OTOGL: variants seen among roughly 807,000 people sequenced by gnomAD.
OTOGL encodes the protein otogelin like, also known as otogelin-like protein.
OTOGL carries 285 observed loss-of-function variants against 318.5 expected under a neutral mutation model. The ratio of observed to expected loss-of-function variants is 0.89; its 90% confidence interval spans 0.81 to 0.99. The LOEUF is 0.99. OTOGL is among the 50% of genes least tolerant of loss of function. OTOGL has a pLI of 0.00. For missense variants in OTOGL, 2,899 were observed against 2,845.6 expected (o/e 1.02, Z -0.43); for synonymous variants, 987 against 936.5 (o/e 1.05, Z -0.99).
At chr12:80,162,957 A>T (rs1873614372) in intron 1 of OTOGL, among the ~76,000 whole-genome samples, 1 of 152,034 alleles carries the variant, frequency 6.6e-6, no homozygotes, top group Non-Finnish European at 1.5e-5. Flanking sequence ...TCTTTCAAGG[A>T]GGAAAATTAA....
chr12:80,287,754 A>G (rs906295761), intron 26 of OTOGL, among the ~76,000 whole-genome samples: 1 of 152,168 alleles, frequency 6.6e-6, no homozygotes, highest in Non-Finnish European at 1.5e-5. Flanking sequence ...TGCTTGATAA[A>G]TATTCTTCCA....
chr12:80,248,776 A>G (rs1417691570), intron 11 of OTOGL, among the ~76,000 whole-genome samples: 1 of 150,498 alleles, frequency 6.6e-6, no homozygotes, highest in Non-Finnish European at 1.5e-5. Context: ...ACTTGGTTCC[A>G]TTCTCCCCAT....
chr12:80,323,128 AC>A (rs1887448965), intron 34 of OTOGL, among the ~76,000 whole-genome samples: 1 of 129,888 alleles, frequency 7.7e-6, no homozygotes, highest in Non-Finnish European at 1.7e-5. Context: ...ACACACACAC[AC>A]ACACACACAC....
chr12:80,151,651 A>G (rs1032778046), intron 1 of OTOGL, among the ~76,000 whole-genome samples: 5 of 152,204 alleles, frequency 3.3e-5, no homozygotes, highest in African/African-American at 1.2e-4. Flanking sequence ...TTTAGATATT[A>G]GCTGTCTCCT....
At chr12:80,376,472 A>G (rs183373152) in intron 57 of OTOGL, among the ~76,000 whole-genome samples, 1 of 152,190 alleles carries the variant, frequency 6.6e-6, no homozygotes, top group African/African-American at 2.4e-5. Context: ...AGATGCTTGC[A>G]TGTAATAGCA....
chr12:80,111,932 G>T (rs578206192), intron 1 of OTOGL, among the ~76,000 whole-genome samples: 6 of 152,206 alleles, frequency 3.9e-5, no homozygotes, highest in South Asian at 4.1e-4. Flanking sequence ...TTGAGCAGTG[G>T]TTTGTAGTTC....
chr12:80,239,586 G>T, intron 11 of OTOGL, 147 bp downstream of exon 11: 1 of 564,252 alleles, frequency 1.8e-6, no homozygotes. Context: ...TTAAAAGTTT[G>T]CTATATAACA....
intron 26 of OTOGL, among the ~76,000 whole-genome samples, chr12:80,291,868 G>A (rs1885062475): frequency 6.6e-6 from 1 of 152,186 alleles, no homozygotes; most frequent in African/African-American, 2.4e-5. Flanking sequence ...CAGATAGAAA[G>A]AAATATGCCT....
rs550946848 is a variant in OTOGL at position 80,378,095 on chromosome 12, A to G, written c.*47A>G. 1 of 1,393,074 alleles carries G rather than the reference A, an allele frequency of 7.2e-7. No homozygotes were observed. Among genetic ancestry groups the G allele is most frequent in the South Asian group, 1.3e-5 (1 of 76,160 alleles). The allele number at this position is 1,393,074 out of a possible 1,614,324, so 86.3% of individuals were successfully genotyped here. A position where few individuals can be genotyped will look rare whatever the true frequency, so the allele number is the denominator to read the frequency against. ...TATACAACATCATAACGTCAGATAG[A>G]ATTAACTTTTATTGCTATTACTTAG... On this transcript the variant is annotated 3_prime_UTR_variant, in exon 59 of 59. Coordinates refer to ENST00000547103, the MANE Select transcript of OTOGL (RefSeq NM_001378609.3).
chr12:80,308,282 T>A (rs1319378308), intron 29 of OTOGL, among the ~76,000 whole-genome samples: 2 of 149,592 alleles, frequency 1.3e-5, no homozygotes, highest in Non-Finnish European at 3.0e-5. Flanking sequence ...GGCTCCTCAC[T>A]TCTCAGACCG....
At chr12:80,161,414 G>A (rs913963784) in intron 1 of OTOGL, among the ~76,000 whole-genome samples, 2 of 151,928 alleles carry the variant, frequency 1.3e-5, no homozygotes, top group African/African-American at 4.8e-5. Context: ...CATAAATTTT[G>A]AGTAGAAGAG....
chr12:80,238,707 A>G (rs1880084706), intron 9 of OTOGL, 144 bp from the exon 10 acceptor site: 1 of 1,057,912 alleles, frequency 9.5e-7, no homozygotes, highest in Non-Finnish European at 1.2e-6. Context: ...TAATGTTATT[A>G]TCTAATATCA....
chr12:80,111,424 A>G (rs192654870), intron 1 of OTOGL, among the ~76,000 whole-genome samples: 1 of 152,312 alleles, frequency 6.6e-6, no homozygotes, highest in East Asian at 1.9e-4. Flanking sequence ...TGATTTTTGT[A>G]TAAGGTGTAA....
rs79325962 is a variant in OTOGL, at chr12:80,174,227, A to T, written c.-19-35186A>T. Among the ~76,000 whole-genome samples the T allele has an allele frequency of 5.3e-5, 8 of 152,316 alleles. No individual in the cohort carries two copies. In the East Asian group the frequency reaches 1.5e-3, roughly 29 times the overall value. ...CTTGTTTCTTCTGAGCTGGAGTCAG[A>T]GATTCACTGGTTGATTCACAGGAAT... On this transcript the variant is annotated intron_variant, in intron 1 of 58. Transcript: ENST00000547103.
intron 33 of OTOGL, among the ~76,000 whole-genome samples, chr12:80,319,148 G>C (rs1316806313): frequency 6.6e-6 from 1 of 152,120 alleles, no homozygotes; most frequent in Non-Finnish European, 1.5e-5. Flanking sequence ...GTGACAGTCT[G>C]TTATTCTGTT....
At chr12:80,144,245 C>A (rs909278405) in intron 1 of OTOGL, among the ~76,000 whole-genome samples, 3 of 151,986 alleles carry the variant, frequency 2.0e-5, no homozygotes, top group Non-Finnish European at 4.4e-5. Flanking sequence ...TGTGATGTTC[C>A]CCTTCTGTGT....
chr12:80,144,281 C>T (rs1037147098), intron 1 of OTOGL, among the ~76,000 whole-genome samples: 2 of 151,920 alleles, frequency 1.3e-5, no homozygotes, highest in Non-Finnish European at 2.9e-5. Flanking sequence ...GTTCAATTCC[C>T]ACCTATGAGT....
intron 1 of OTOGL, among the ~76,000 whole-genome samples, chr12:80,156,243 G>A (rs565450214): frequency 1.1e-4 from 17 of 152,218 alleles, no homozygotes; most frequent in South Asian, 2.1e-4. Context: ...TAGTTTTCTC[G>A]TCTACATCTT....
intron 35 of OTOGL, among the ~76,000 whole-genome samples, chr12:80,325,166 T>G (rs1887598550): frequency 6.6e-6 from 1 of 152,114 alleles, no homozygotes; most frequent in Non-Finnish European, 1.5e-5. Flanking sequence ...ATGTTGCCAA[T>G]AGGTAAGATC....
Sources: allele counts gnomAD v4.1 joint callset (sites outside exome capture counted in the v4.1 genomes callset), GRCh38; gene constraint gnomAD v4.1.1; transcripts MANE v1.5; gene names NCBI Gene and HGNC (gene_info 2026-07-23, HGNC 2026-07-21).